GPC5: variants seen among roughly 807,000 people sequenced by gnomAD.
GPC5 encodes the protein glypican 5, also known as glypican-5.
In GPC5, 47 loss-of-function variants were observed where a neutral mutation model predicts 53.9. The ratio of observed to expected loss-of-function variants is 0.87; its 90% confidence interval spans 0.69 to 1.11. The LOEUF is 1.11. GPC5 is among the 50% of genes most tolerant of loss of function. GPC5 has a pLI of 0.00. For missense variants in GPC5, 748 were observed against 713.1 expected (o/e 1.05, Z -0.56); for synonymous variants, 286 against 263.3 (o/e 1.09, Z -0.84).
chr13:91,785,965 G>C (rs1594562369), intron 5 of GPC5, among the ~76,000 whole-genome samples: 2 of 152,134 alleles, frequency 1.3e-5, no homozygotes, highest in African/African-American at 4.8e-5. Context: ...ATCTGCCTCA[G>C]GTCTGTCACT....
At chr13:91,583,379 G>T (rs1159006429) in intron 2 of GPC5, among the ~76,000 whole-genome samples, 1 of 152,096 alleles carries the variant, frequency 6.6e-6, no homozygotes, top group South Asian at 2.1e-4. Context: ...ATTAAAACAT[G>T]ATTTGAATAC....
At chr13:91,931,982 T>C (rs1397741202) in intron 6 of GPC5, among the ~76,000 whole-genome samples, 1 of 151,992 alleles carries the variant, frequency 6.6e-6, no homozygotes, top group Non-Finnish European at 1.5e-5. Flanking sequence ...TAAACACTTA[T>C]CTAACCAAAA....
chr13:92,136,301 T>A (rs1320850861), intron 6 of GPC5, among the ~76,000 whole-genome samples: 7 of 152,196 alleles, frequency 4.6e-5, no homozygotes, highest in Non-Finnish European at 8.8e-5. Context: ...AAATTGCAGA[T>A]GCCAATTACC....
intron 7 of GPC5, among the ~76,000 whole-genome samples, chr13:92,639,419 T>G (rs1304929561): frequency 2.6e-5 from 4 of 152,208 alleles, no homozygotes; most frequent in Admixed American, 2.6e-4. Flanking sequence ...AATGACTATC[T>G]AAAGTGGTTT....
intron 5 of GPC5, among the ~76,000 whole-genome samples, chr13:91,879,998 T>G (rs1406586846): frequency 6.6e-6 from 1 of 152,136 alleles, no homozygotes; most frequent in Non-Finnish European, 1.5e-5. Context: ...CTTTGTAAAA[T>G]GAACTGAAAG....
In GPC5 at chr13:92,799,923, T is replaced by C. The variant is rs16947904; in HGVS notation, c.1562-66359T>C. 4.9e-3 allele frequency among the ~76,000 whole-genome samples: 739 copies of C among 151,978 alleles called. 5 individuals are homozygous for C. The highest frequency in any genetic ancestry group is 0.017 in the African/African-American group (699 of 41,520). ...CTGATTCAAATTTTTCATTTCATTA[T>C]ATCATGTTGCTAGAATTTAAGAATA... is the stretch of plus-strand genomic sequence containing the variant. On this transcript the variant is annotated intron_variant, in intron 7 of 7. Coordinates refer to ENST00000377067, the MANE Select transcript of GPC5 (RefSeq NM_004466.6).
intron 7 of GPC5, among the ~76,000 whole-genome samples, chr13:92,500,296 C>G (rs560493133): frequency 4.6e-5 from 7 of 152,094 alleles, no homozygotes; most frequent in Non-Finnish European, 8.8e-5. Flanking sequence ...TACAGACTCC[C>G]GGGAGAGTGC....
intron 6 of GPC5, among the ~76,000 whole-genome samples, chr13:92,039,140 A>G (rs1160629175): frequency 6.6e-6 from 1 of 151,086 alleles, no homozygotes; most frequent in Non-Finnish European, 1.5e-5. Flanking sequence ...GAAAGACAAG[A>G]GGAGCATTGG....
intron 3 of GPC5, among the ~76,000 whole-genome samples, chr13:91,723,224 C>T (rs1031932047): frequency 4.6e-5 from 7 of 151,600 alleles, no homozygotes; most frequent in Non-Finnish European, 8.8e-5. Flanking sequence ...AGCTCTTCTC[C>T]TCCTCCTTTT....
At chr13:91,470,622 T>G (rs948644497) in intron 2 of GPC5, among the ~76,000 whole-genome samples, 1 of 152,162 alleles carries the variant, frequency 6.6e-6, no homozygotes, top group African/African-American at 2.4e-5. Flanking sequence ...GGTAAGAGAG[T>G]AGTTCTAGCT....
At chr13:91,491,682 C>T (rs977832224) in intron 2 of GPC5, among the ~76,000 whole-genome samples, 4 of 152,126 alleles carry the variant, frequency 2.6e-5, no homozygotes, top group Non-Finnish European at 5.9e-5. Context: ...CCACTCCTTG[C>T]CTCTTCCAGC....
rs746591444 is a variant in GPC5, at chr13:91,907,989, G to GAAGTCA, written c.1343_1348dup (p.Val448_Lys449dup). 4 of 1,594,758 alleles carry GAAGTCA rather than the reference G, an allele frequency of 2.5e-6. No homozygotes were observed. ...AATCAAAGCCCAGTCTGGAAATCCTGAAGTCAAAGTCAAAGGAATTGATCC... is the reference window on the plus strand; with the variant it reads ...AATCAAAGCCCAGTCTGGAAATCCTGAAGTCAAAGTCAAAGTCAAAGGAATTGATCC... On this transcript the variant is annotated inframe_insertion, in exon 6 of 8. Transcript: ENST00000377067.
chr13:92,290,963 G>T (rs12867090), intron 7 of GPC5, among the ~76,000 whole-genome samples: 13,009 of 152,088 alleles, frequency 0.086, 621 homozygotes, highest in Middle Eastern at 0.12. Flanking sequence ...GCCTGGGCTC[G>T]GCAGGCCCCA....
intron 7 of GPC5, among the ~76,000 whole-genome samples, chr13:92,397,160 T>A (rs140392179): frequency 6.6e-6 from 1 of 152,344 alleles, no homozygotes; most frequent in East Asian, 1.9e-4. Context: ...ACCTTATGCA[T>A]GTGATGTGGT....
intron 7 of GPC5, among the ~76,000 whole-genome samples, chr13:92,669,306 A>C (rs1886672779): frequency 6.6e-6 from 1 of 152,022 alleles, no homozygotes; most frequent in African/African-American, 2.4e-5. Flanking sequence ...ATGACTATGC[A>C]TCTCATTTAC....
chr13:92,241,879 A>G (rs2042614338), intron 7 of GPC5: 1 of 152,158 alleles, frequency 6.6e-6, no homozygotes, highest in Admixed American at 6.6e-5. Flanking sequence ...TACTTTGTGA[A>G]TTCAAATGCT....
At chr13:92,593,520 G>T (rs1883778649) in intron 7 of GPC5, among the ~76,000 whole-genome samples, 1 of 151,224 alleles carries the variant, frequency 6.6e-6, no homozygotes, top group African/African-American at 2.4e-5. Flanking sequence ...GCTCAGGATA[G>T]ATGTCAGAGC....
intron 7 of GPC5, among the ~76,000 whole-genome samples, chr13:92,629,369 AG>A (rs2139128919): frequency 6.6e-6 from 1 of 152,308 alleles, no homozygotes; most frequent in Non-Finnish European, 1.5e-5. Context: ...TGAAGGTATC[AG>A]GTCTTAACTG....
At chr13:91,923,164 C>G (rs2039733245) in intron 6 of GPC5, among the ~76,000 whole-genome samples, 1 of 152,186 alleles carries the variant, frequency 6.6e-6, no homozygotes, top group Non-Finnish European at 1.5e-5. Context: ...TCTTTTAGAG[C>G]ACTCCTTTGC....
Sources: allele counts gnomAD v4.1 joint callset (sites outside exome capture counted in the v4.1 genomes callset), GRCh38; gene constraint gnomAD v4.1.1; transcripts MANE v1.5; gene names NCBI Gene and HGNC (gene_info 2026-07-23, HGNC 2026-07-21).